Variants in TTC23 observed in about 807,000 individuals in gnomAD.
TTC23 encodes the protein tetratricopeptide repeat protein 23.
In TTC23, 58 loss-of-function variants were observed where a neutral mutation model predicts 55.1. That is an observed-to-expected ratio of 1.05 (90% CI 0.85 to 1.31). The LOEUF is 1.31. TTC23 is among the 50% of genes most tolerant of loss of function. The pLI is 0.00. For synonymous variants in TTC23, 203 were observed against 199.9 expected (o/e 1.02, Z -0.13); for missense variants, 516 against 534.4 (o/e 0.97, Z 0.34).
In TTC23 at chr15:99,137,954, C is replaced by A; in HGVS notation, c.*56G>T. 1 of 1,608,166 alleles carries A rather than the reference C, an allele frequency of 6.2e-7. No individual in the cohort carries two copies. The highest frequency in any genetic ancestry group is 8.5e-7 in the Non-Finnish European group (1 of 1,175,910). ...ATTTTCTAGGCGGAGGTGATTTGTA[C>A]AGCACCCTAAATGACAGTGCCCAGG... On this transcript the variant is annotated 3_prime_UTR_variant, in exon 14 of 14. Coordinates refer to ENST00000394132, the MANE Select transcript of TTC23 (RefSeq NM_001288615.3).
chr15:99,186,090 G>C (rs944640492), intron 9 of TTC23, among the ~76,000 whole-genome samples: 5 of 152,068 alleles, frequency 3.3e-5, no homozygotes, highest in African/African-American at 1.2e-4. Flanking sequence ...CTGTATCTTA[G>C]GTAAATCTCC....
At chr15:99,230,759 T>C (rs2078872666) in intron 4 of TTC23, among the ~76,000 whole-genome samples, 1 of 152,252 alleles carries the variant, frequency 6.6e-6, no homozygotes, top group Non-Finnish European at 1.5e-5. Flanking sequence ...AATTCCGTAC[T>C]GGTGAAAATA....
intron 3 of TTC23, among the ~76,000 whole-genome samples, chr15:99,236,467 CT>C (rs869228713): frequency 6.8e-3 from 956 of 140,512 alleles, no homozygotes; most frequent in African/African-American, 0.01. Context: ...CCTTTTCTCA[CT>C]TTTTTTTTTT....
chr15:99,139,334 G>A lies in TTC23; in HGVS notation c.1209C>T (p.Ala403=), dbSNP rs782068361. The change falls in exon 13 of 14, where the codon GCC becomes GCT. Residue 403 remains alanine (A), a synonymous_variant. Coordinates refer to ENST00000394132, the MANE Select transcript of TTC23 (RefSeq NM_001288615.3). ...CAACTCACGTGGACAGCATGCCCAT[G>A]GCCTGCTGGGTGGCCAGAGTCCTTT... The part of the protein sequence containing the change: ...QDKRTLATQQ[A]MGMLSTAPKV... The A allele has an allele frequency of 4.3e-6, 7 of 1,613,510 alleles. No individual in the cohort carries two copies. The South Asian group carries it at 7.7e-5, about 18-fold the overall frequency.
chr15:99,229,044 TAGA>T (rs2078716209), intron 4 of TTC23, among the ~76,000 whole-genome samples: 1 of 151,870 alleles, frequency 6.6e-6, no homozygotes, highest in Non-Finnish European at 1.5e-5. Context: ...TAAAGTCCAG[TAGA>T]AATTAGCCTA....
At chr15:99,246,520 C>A (rs1328253787) in intron 1 of TTC23, among the ~76,000 whole-genome samples, 1 of 151,500 alleles carries the variant, frequency 6.6e-6, no homozygotes, top group Non-Finnish European at 1.5e-5. Context: ...GAGGCTGAGG[C>A]AGGAGAATCG....
intron 1 of TTC23, among the ~76,000 whole-genome samples, chr15:99,247,325 AG>A (rs35044962): frequency 0.091 from 13,923 of 152,242 alleles, 911 homozygotes; most frequent in East Asian, 0.32. Flanking sequence ...TATACACCCA[AG>A]AAAACTGAAA....
intron 9 of TTC23, among the ~76,000 whole-genome samples, chr15:99,191,384 C>T (rs1280787177): frequency 6.6e-6 from 1 of 152,168 alleles, no homozygotes; most frequent in Non-Finnish European, 1.5e-5. Flanking sequence ...CTCTTGGAGG[C>T]CATCTTTCAG....
At position 99,137,714 on chromosome 15, in the gene TTC23, T is replaced by A; in HGVS notation, c.*296A>T. On this transcript the variant is annotated 3_prime_UTR_variant, in exon 14 of 14. Coordinates refer to ENST00000394132, the MANE Select transcript of TTC23 (RefSeq NM_001288615.3). ...CTCCTGCACAGGGCGCACTGAACTG[T>A]TGAAGAGAAGTTTTTCAGCCACAGT... 1 of 383,740 alleles carries A rather than the reference T, an allele frequency of 2.6e-6. No homozygotes were observed. Among genetic ancestry groups the A allele is most frequent in the Admixed American group, 3.7e-5 (1 of 27,170 alleles). The allele number at this position is 383,740 out of a possible 1,614,324, so 23.8% of individuals were successfully genotyped here. A position where few individuals can be genotyped will look rare whatever the true frequency, so the allele number is the denominator to read the frequency against.
intron 5 of TTC23, among the ~76,000 whole-genome samples, chr15:99,227,176 C>T (rs2078517975): frequency 6.6e-6 from 1 of 152,174 alleles, no homozygotes; most frequent in Non-Finnish European, 1.5e-5. Context: ...TATGCTCTTT[C>T]TCTATAATCC....
At chr15:99,172,296 T>C (rs1350972095) in intron 10 of TTC23, among the ~76,000 whole-genome samples, 1 of 152,134 alleles carries the variant, frequency 6.6e-6, no homozygotes, top group Non-Finnish European at 1.5e-5. Flanking sequence ...TCCTCACATA[T>C]TTCAATTCTG....
At chr15:99,158,373 T>G (rs1271664073) in intron 11 of TTC23, 3 of 152,184 alleles carry the variant, frequency 2.0e-5, no homozygotes, top group Non-Finnish European at 4.4e-5. Context: ...CAGATAAAGC[T>G]TTGGATGCCG....
intron 11 of TTC23, among the ~76,000 whole-genome samples, chr15:99,156,787 T>C (rs1567348594): frequency 6.6e-6 from 1 of 152,170 alleles, no homozygotes; most frequent in Non-Finnish European, 1.5e-5. Flanking sequence ...TCACCTCTGG[T>C]TGAACAAGAG....
chr15:99,199,911 T>G lies in TTC23; in HGVS notation c.759+8A>C, dbSNP rs769915635. The G allele has an allele frequency of 6.2e-7, 1 of 1,609,418 alleles. No individual in the cohort carries two copies. On this transcript the variant is annotated splice_region_variant and intron_variant, in intron 9 of 13. Transcript: ENST00000394132. ...AACAGCTTTGGTAGCCAGGACCTTG[T>G]AGCTTACCTGGAGGAAGTGGTTGAT...
intron 12 of TTC23, among the ~76,000 whole-genome samples, chr15:99,146,524 C>T (rs1240208755): frequency 1.3e-5 from 2 of 152,202 alleles, no homozygotes; most frequent in Non-Finnish European, 2.9e-5. Flanking sequence ...CTCACTGTTT[C>T]CAGCGAAGCT....
At chr15:99,170,627 T>C (rs942029728) in intron 10 of TTC23, among the ~76,000 whole-genome samples, 3 of 152,218 alleles carry the variant, frequency 2.0e-5, no homozygotes, top group Non-Finnish European at 2.9e-5. Context: ...CCTTAGTTGT[T>C]ACACAAAGAT....
At chr15:99,143,430 G>A (rs777804234) in intron 12 of TTC23, among the ~76,000 whole-genome samples, 6 of 152,264 alleles carry the variant, frequency 3.9e-5, no homozygotes, top group South Asian at 2.1e-4. Flanking sequence ...TAAACATGTC[G>A]CTGAGCTAAG....
chr15:99,155,172 T>C (rs1266207632), intron 12 of TTC23, among the ~76,000 whole-genome samples: 1 of 152,060 alleles, frequency 6.6e-6, no homozygotes, highest in Non-Finnish European at 1.5e-5. Context: ...TCAAAAGATA[T>C]AACAGTAGAT....
At chr15:99,146,244 C>T (rs542941384) in intron 12 of TTC23, among the ~76,000 whole-genome samples, 3 of 152,342 alleles carry the variant, frequency 2.0e-5, no homozygotes, top group Non-Finnish European at 2.9e-5. Flanking sequence ...CAAGTGGAGC[C>T]GGCTTTTTGT....
Sources: gnomAD v4.1 joint callset for allele counts (sites outside exome capture counted in the v4.1 genomes callset) on GRCh38, gnomAD v4.1.1 for gene constraint, MANE v1.5 for transcripts, NCBI Gene and HGNC (gene_info 2026-07-23, HGNC 2026-07-21) for gene names.